BAZ2B: variants seen among roughly 807,000 people sequenced by gnomAD.
The protein encoded by BAZ2B is bromodomain adjacent to zinc finger domain 2B.
A neutral mutation model predicts 246.0 loss-of-function variants in BAZ2B; 91 were observed. The ratio of observed to expected loss-of-function variants is 0.37; its 90% CI spans 0.31 to 0.44. The LOEUF (loss-of-function observed/expected upper bound fraction) is 0.44. BAZ2B is among the 20% of genes least tolerant of loss of function. The probability of loss-of-function intolerance (pLI) is 1.00; values close to 1 mark genes in which losing one functional copy is unlikely to be tolerated. For missense variants in BAZ2B, 2,332 were observed against 2,533.7 expected, an observed-to-expected ratio of 0.92 and a Z score of 1.71; for synonymous variants, 855 against 860.0, an observed-to-expected ratio of 0.99 and a Z score of 0.10.
At chr2:159,529,903 T>A (rs1413106939) in intron 2 of BAZ2B, among the ~76,000 whole-genome samples, 1 of 152,172 alleles carries the variant, frequency 6.6e-6, no homozygotes, top group African/African-American at 2.4e-5. Flanking sequence ...ATAAAAACAG[T>A]ATTTTCACTT....
At chr2:159,526,657 T>C (rs1388429308) in intron 2 of BAZ2B, among the ~76,000 whole-genome samples, 1 of 152,144 alleles carries the variant, frequency 6.6e-6, no homozygotes, top group Non-Finnish European at 1.5e-5. Flanking sequence ...GGACAATCCT[T>C]TGGATAACAA....
At chr2:159,701,180 A>G in the BAZ2B span, among the ~76,000 whole-genome samples, 1 of 152,338 alleles carries the variant, frequency 6.6e-6, no homozygotes, top group African/African-American at 2.4e-5. Context: ...CTATAAATGA[A>G]ACCTCAATGT....
chr2:159,614,894 G>A (rs1695547706), intron 1 of BAZ2B, among the ~76,000 whole-genome samples: 1 of 152,086 alleles, frequency 6.6e-6, no homozygotes, highest in African/African-American at 2.4e-5. Flanking sequence ...TGGGCCCCCT[G>A]AACATTCCCT....
intron 3 of BAZ2B, among the ~76,000 whole-genome samples, chr2:159,458,130 C>T (rs1267928798): frequency 1.3e-5 from 2 of 151,866 alleles, no homozygotes; most frequent in African/African-American, 4.8e-5. Flanking sequence ...GCCTCAGCCT[C>T]CTGAGTAGCT....
At chr2:159,606,741 A>C (rs771451781) in intron 1 of BAZ2B, among the ~76,000 whole-genome samples, 2 of 152,184 alleles carry the variant, frequency 1.3e-5, no homozygotes, top group Non-Finnish European at 2.9e-5. Context: ...AAAACATTTA[A>C]TATGCAATAA....
intron 2 of BAZ2B, among the ~76,000 whole-genome samples, chr2:159,535,367 C>T (rs1179439854): frequency 1.4e-5 from 2 of 143,756 alleles, no homozygotes; most frequent in African/African-American, 6.0e-5. Flanking sequence ...ACTAAAAATG[C>T]AAAAATTAGC....
chr2:159,531,931 A>G (rs2085421322), intron 2 of BAZ2B, among the ~76,000 whole-genome samples: 1 of 152,214 alleles, frequency 6.6e-6, no homozygotes, highest in African/African-American at 2.4e-5. Flanking sequence ...ACACTTACAT[A>G]TACTTTCCTA....
intron 1 of BAZ2B, among the ~76,000 whole-genome samples, chr2:159,608,204 G>A (rs72962218): frequency 0.063 from 9,638 of 152,110 alleles, 379 homozygotes; most frequent in Non-Finnish European, 0.091. Context: ...CTAAAACCCC[G>A]TCTCTACAAA....
intron 2 of BAZ2B, among the ~76,000 whole-genome samples, chr2:159,506,334 C>T (rs779571376): frequency 4.6e-5 from 7 of 152,158 alleles, no homozygotes; most frequent in Non-Finnish European, 1.0e-4. Flanking sequence ...GCAATGGAAC[C>T]TACTGACCCA....
At chr2:159,566,973 G>A (rs547034822) in intron 1 of BAZ2B, among the ~76,000 whole-genome samples, 14 of 152,278 alleles carry the variant, frequency 9.2e-5, no homozygotes, top group Admixed American at 5.9e-4. Context: ...GCCGGGCGTG[G>A]TGGCTCACAC....
intron 2 of BAZ2B, among the ~76,000 whole-genome samples, chr2:159,501,192 A>AATATATATATTTTTATATATATT: frequency 2.6e-5 from 2 of 76,710 alleles, no homozygotes; most frequent in South Asian, 4.5e-4. Flanking sequence ...ATTTATATAT[A>AATATATATATTTTTATATATATT]ATATATATAT....
At chr2:159,419,758 C>T (rs1177359617) in intron 13 of BAZ2B, 1 of 152,162 alleles carries the variant, frequency 6.6e-6, no homozygotes, top group Non-Finnish European at 1.5e-5. Flanking sequence ...GTATAGGCCT[C>T]GCCTAGCCAC....
intron 35 of BAZ2B, among the ~76,000 whole-genome samples, 163 bp from the exon 36 acceptor site, chr2:159,325,117 T>TTATATATATA (rs1344829292): frequency 5.9e-4 from 2 of 3,398 alleles, no homozygotes; most frequent in Non-Finnish European, 7.0e-4. Flanking sequence ...TATATATATT[T>TTATATATATA]TATATATATA....
intron 2 of BAZ2B, among the ~76,000 whole-genome samples, chr2:159,493,100 A>G (rs1209619039): frequency 6.6e-6 from 1 of 152,108 alleles, no homozygotes; most frequent in Non-Finnish European, 1.5e-5. Flanking sequence ...AATCAGGTCC[A>G]CTCATTACAT....
chr2:159,628,530 T>C, the BAZ2B span, among the ~76,000 whole-genome samples: 8 of 152,226 alleles, frequency 5.3e-5, no homozygotes, highest in Non-Finnish European at 7.4e-5. Context: ...TCTACAACCA[T>C]GTGATCTTTG....
intron 3 of BAZ2B, among the ~76,000 whole-genome samples, chr2:159,471,503 T>C (rs989960437): frequency 6.6e-6 from 1 of 152,136 alleles, no homozygotes; most frequent in Non-Finnish European, 1.5e-5. Context: ...GGTTGGGGGA[T>C]TGCCTGAGCC....
At chr2:159,458,903 A>G (rs1452227821) in intron 3 of BAZ2B, 1 of 152,182 alleles carries the variant, frequency 6.6e-6, no homozygotes, top group Non-Finnish European at 1.5e-5. Flanking sequence ...TCTTTGAGGC[A>G]AAAACTGCAT....
chr2:159,341,461 A>T (rs1382090076), intron 31 of BAZ2B, among the ~76,000 whole-genome samples: 1 of 152,180 alleles, frequency 6.6e-6, no homozygotes, highest in Non-Finnish European at 1.5e-5. Context: ...CACTGTCAGC[A>T]TTGGACAGAT....
At chr2:159,404,053 T>A (rs1349896213) in intron 16 of BAZ2B, among the ~76,000 whole-genome samples, 1 of 152,134 alleles carries the variant, frequency 6.6e-6, no homozygotes, top group Admixed American at 6.5e-5. Context: ...GCCATTTATT[T>A]AGCAGGTATT....
Sources: allele counts gnomAD v4.1 joint callset (sites outside exome capture counted in the v4.1 genomes callset), GRCh38; gene constraint gnomAD v4.1.1; transcripts MANE v1.5; gene names NCBI Gene and HGNC (gene_info 2026-07-23, HGNC 2026-07-21).